DDR2: variants seen among roughly 807,000 people sequenced by gnomAD.
The protein encoded by DDR2 is discoidin domain receptor tyrosine kinase 2.
In DDR2, 27 loss-of-function variants were observed where a neutral mutation model predicts 94.9. The ratio of observed to expected loss-of-function variants is 0.28; its 90% CI spans 0.21 to 0.39. The LOEUF (loss-of-function observed/expected upper bound fraction) is 0.39, where lower values mean the gene tolerates loss of function less well. Ranked by LOEUF, DDR2 falls within the 10% of genes least tolerant of loss-of-function variation. DDR2 has a pLI of 1.00. For synonymous variants in DDR2, 382 were observed against 377.2 expected (o/e 1.01, Z -0.15); for missense variants, 783 against 1,076.0 (o/e 0.73, Z 3.81).
chr1:162,690,427 C>G (rs1400547561), intron 2 of DDR2, among the ~76,000 whole-genome samples: 1 of 152,108 alleles, frequency 6.6e-6, no homozygotes, highest in Non-Finnish European at 1.5e-5. Flanking sequence ...GTCATATCTC[C>G]TCTTGGGTTC....
chr1:162,657,921 G>C (rs545295956), intron 2 of DDR2, among the ~76,000 whole-genome samples: 1 of 151,244 alleles, frequency 6.6e-6, no homozygotes, highest in Non-Finnish European at 1.5e-5. Context: ...GCTCCCTCTT[G>C]TTTTGTTTTC....
intron 3 of DDR2, among the ~76,000 whole-genome samples, chr1:162,744,131 G>A (rs1053689364): frequency 6.6e-6 from 1 of 152,200 alleles, no homozygotes; most frequent in Non-Finnish European, 1.5e-5. Flanking sequence ...AGTTCCTTAT[G>A]ATGATAATCA....
intron 1 of DDR2, among the ~76,000 whole-genome samples, chr1:162,647,532 C>T (rs879656109): frequency 2.6e-5 from 4 of 152,178 alleles, no homozygotes; most frequent in Non-Finnish European, 4.4e-5. Flanking sequence ...ATAGGCAGAG[C>T]AGTGGCATGA....
intron 7 of DDR2, among the ~76,000 whole-genome samples, chr1:162,756,230 T>G (rs1171078831): frequency 6.6e-6 from 1 of 152,120 alleles, no homozygotes; most frequent in East Asian, 1.9e-4. Flanking sequence ...AGACTTACAA[T>G]AGACAAGGAA....
intron 17 of DDR2, among the ~76,000 whole-genome samples, chr1:162,779,336 A>G (rs2102209052): frequency 6.6e-6 from 1 of 152,234 alleles, no homozygotes; most frequent in South Asian, 2.1e-4. Context: ...TAGATTTAAA[A>G]TTCCTGTGAG....
In DDR2 at chr1:162,736,949, G is replaced by C. The variant is rs79242137; in HGVS notation, c.83-16146G>C. The stretch of plus-strand genomic sequence containing the variant: ...AGGACAAGGTCCAAGACAGCCAGGG[G>C]ATGTCTGATTCCATGTCTTCACTAT... On this transcript the variant is annotated intron_variant, in intron 3 of 17. Transcript: ENST00000367921. 3.5e-3 allele frequency among the ~76,000 whole-genome samples: 537 copies of C among 152,310 alleles called. 7 individuals carry two copies. The highest frequency in any genetic ancestry group is 0.035 in the East Asian group (180 of 5,176).
chr1:162,761,305 C>A lies in DDR2; in HGVS notation c.950C>A (p.Ala317Asp). The change falls in exon 9 of 18, where the codon GCC becomes GAC. Residue 317 changes from alanine to aspartate, a missense_variant. Coordinates refer to ENST00000367921, the MANE Select transcript of DDR2 (RefSeq NM_006182.4). Reference protein sequence around the residue: ...RSEASEWEPNAISFPLVLDDV... With the variant: ...RSEASEWEPNDISFPLVLDDV... ...GAAGCCAGTGAGTGGGAACCTAATG[C>A]CATTTCCTTCCCCCTTGTCCTGGAT... The A allele has an allele frequency of 6.2e-7, 1 of 1,614,158 alleles. No individual in the cohort carries two copies. The highest frequency in any genetic ancestry group is 8.5e-7 in the Non-Finnish European group (1 of 1,180,030).
At position 162,741,710 on chromosome 1, in the gene DDR2, A is replaced by C. The variant is rs148610861; in HGVS notation, c.83-11385A>C. 1.8e-4 allele frequency: 175 copies of C among 985,380 alleles called. No individual in the cohort carries two copies. In the East Asian group the frequency reaches 0.016, roughly 91 times the overall value. The allele number at this position is 985,380 out of a possible 1,614,324, so 61.0% of individuals were successfully genotyped here. A position where few individuals can be genotyped will look rare whatever the true frequency, so the allele number is the denominator to read the frequency against. On this transcript the variant is annotated intron_variant, in intron 3 of 17. Coordinates refer to ENST00000367921, the MANE Select transcript of DDR2 (RefSeq NM_006182.4). Reference sequence around the variant, plus strand: ...ACATACACACAGGTGACAGTCACAAAGGGTAAGTGAAGTTCTACATTATTA... The same window carrying C: ...ACATACACACAGGTGACAGTCACAACGGGTAAGTGAAGTTCTACATTATTA...
chr1:162,632,375 C>A (rs999335153), upstream of DDR2: 2 of 152,098 alleles, frequency 1.3e-5, no homozygotes, highest in Admixed American at 6.5e-5. Flanking sequence ...CTCCCCAACC[C>A]CCTTCCTAAT....
chr1:162,764,936 G>C (rs1280804109), intron 9 of DDR2, among the ~76,000 whole-genome samples: 1 of 152,096 alleles, frequency 6.6e-6, no homozygotes, highest in Non-Finnish European at 1.5e-5. Flanking sequence ...AAGATGTACT[G>C]ATAAGAAAAT....
intron 2 of DDR2, among the ~76,000 whole-genome samples, chr1:162,683,484 G>A (rs4657226): frequency 0.64 from 97,254 of 151,968 alleles, 33,024 homozygotes; most frequent in Middle Eastern, 0.81. Context: ...GAGACCACAG[G>A]ATACAGGCTC....
intron 2 of DDR2, among the ~76,000 whole-genome samples, chr1:162,660,006 C>CATT (rs1553239967): frequency 2.0e-5 from 3 of 151,658 alleles, no homozygotes; most frequent in African/African-American, 4.9e-5. Context: ...GCAGGAACAA[C>CATT]GTTAAGTATT....
At chr1:162,663,214 G>A (rs1310771858) in intron 2 of DDR2, among the ~76,000 whole-genome samples, 1 of 152,190 alleles carries the variant, frequency 6.6e-6, no homozygotes, top group Non-Finnish European at 1.5e-5. Flanking sequence ...AGATTGGGGA[G>A]AAGAGAGTGA....
intron 1 of DDR2, among the ~76,000 whole-genome samples, chr1:162,643,732 CG>C (rs554573755): frequency 1.1e-3 from 173 of 152,268 alleles, no homozygotes; most frequent in African/African-American, 3.9e-3. Flanking sequence ...CCACCTGCCT[CG>C]GCCTCCCAAA....
At chr1:162,763,874 A>G (rs969726588) in intron 9 of DDR2, among the ~76,000 whole-genome samples, 5 of 152,202 alleles carry the variant, frequency 3.3e-5, no homozygotes, top group African/African-American at 1.2e-4. Flanking sequence ...TCTATTATTT[A>G]TGCTAAATAT....
chr1:162,726,638 G>T (rs1003162549), intron 3 of DDR2, among the ~76,000 whole-genome samples: 1 of 152,154 alleles, frequency 6.6e-6, no homozygotes, highest in Non-Finnish European at 1.5e-5. Flanking sequence ...GGGGCCAGGA[G>T]CATGATCATG....
intron 1 of DDR2, among the ~76,000 whole-genome samples, chr1:162,653,689 G>A (rs958621475): frequency 3.9e-5 from 6 of 152,120 alleles, no homozygotes; most frequent in African/African-American, 1.4e-4. Flanking sequence ...GAGGCTGGTT[G>A]TTGTAAACAT....
chr1:162,661,095 C>G (rs1210198096), intron 2 of DDR2, among the ~76,000 whole-genome samples: 1 of 152,174 alleles, frequency 6.6e-6, no homozygotes, highest in African/African-American at 2.4e-5. Context: ...CCGTCATTCC[C>G]AGGCAACCCA....
intron 2 of DDR2, among the ~76,000 whole-genome samples, chr1:162,657,162 C>T (rs535779883): frequency 1.3e-5 from 2 of 152,110 alleles, no homozygotes; most frequent in South Asian, 4.2e-4. Context: ...CAATGATTTC[C>T]ATAAATTACT....
Sources: gnomAD v4.1 joint callset for allele counts (sites outside exome capture counted in the v4.1 genomes callset) on GRCh38, gnomAD v4.1.1 for gene constraint, MANE v1.5 for transcripts, NCBI Gene and HGNC (gene_info 2026-07-23, HGNC 2026-07-21) for gene names.